MCTP1: variants seen among roughly 807,000 people sequenced by gnomAD.
MCTP1 encodes multiple C2 and transmembrane domain containing 1.
Under a neutral mutation model 120.6 loss-of-function variants are expected in MCTP1, and 69 were observed. The observed-to-expected ratio is 0.57, with a 90% CI of 0.47 to 0.70. MCTP1 has a LOEUF of 0.70. Among genes scored for constraint, MCTP1 ranks in the 30% least tolerant of loss-of-function variants. The pLI is 0.00. For missense variants in MCTP1, 1,203 were observed against 1,248.8 expected, an observed-to-expected ratio of 0.96 and a Z score of 0.55; for synonymous variants, 529 against 493.1, an observed-to-expected ratio of 1.07 and a Z score of -0.96.
chr5:94,927,989 A>C (rs1264582625), intron 6 of MCTP1, among the ~76,000 whole-genome samples: 2 of 152,178 alleles, frequency 1.3e-5, no homozygotes, highest in Non-Finnish European at 2.9e-5. Context: ...TATGATAATC[A>C]GACACCATCA....
chr5:95,055,843 T>C (rs1747249050), intron 1 of MCTP1, among the ~76,000 whole-genome samples: 1 of 152,110 alleles, frequency 6.6e-6, no homozygotes, highest in African/African-American at 2.4e-5. Flanking sequence ...AGAAGCAATG[T>C]GTGAAAAAAA....
chr5:95,030,714 A>T (rs1840124134), intron 1 of MCTP1, among the ~76,000 whole-genome samples: 1 of 152,376 alleles, frequency 6.6e-6, no homozygotes, highest in African/African-American at 2.4e-5. Flanking sequence ...AATAAGAAGC[A>T]GATGAGAAGG....
chr5:95,001,594 G>C (rs1833704638), intron 2 of MCTP1, among the ~76,000 whole-genome samples: 1 of 152,170 alleles, frequency 6.6e-6, no homozygotes, highest in African/African-American at 2.4e-5. Context: ...GGTGACTCTT[G>C]CTATGCTTTA....
chr5:94,912,466 A>AAAAAAAAAAAAAACAAAAG (rs1211529200), intron 9 of MCTP1, among the ~76,000 whole-genome samples: 1 of 92,038 alleles, frequency 1.1e-5, no homozygotes, highest in African/African-American at 3.7e-5. Flanking sequence ...AAAAAAAAAA[A>AAAAAAAAAAAAAACAAAAG]GCCGCACTCT....
chr5:95,107,601 G>A (rs1341556903), intron 1 of MCTP1, among the ~76,000 whole-genome samples: 1 of 152,162 alleles, frequency 6.6e-6, no homozygotes, highest in Non-Finnish European at 1.5e-5. Flanking sequence ...ATAAAGTTCT[G>A]CCTCAGCCTC....
chr5:94,961,803 A>G (rs947136963), intron 2 of MCTP1, among the ~76,000 whole-genome samples: 1 of 152,168 alleles, frequency 6.6e-6, no homozygotes, highest in Non-Finnish European at 1.5e-5. Context: ...TTTAGTCTAC[A>G]TTGAAGCTAC....
chr5:95,004,044 G>A (rs554407193), intron 2 of MCTP1, among the ~76,000 whole-genome samples: 1 of 152,318 alleles, frequency 6.6e-6, no homozygotes, highest in South Asian at 2.1e-4. Context: ...GGCTGAGGAG[G>A]TCTCAGATGA....
intron 1 of MCTP1, among the ~76,000 whole-genome samples, chr5:95,025,677 T>C (rs1839128579): frequency 6.6e-6 from 1 of 152,180 alleles, no homozygotes; most frequent in Non-Finnish European, 1.5e-5. Context: ...TTACCATACA[T>C]GGTGATGCCA....
intron 1 of MCTP1, among the ~76,000 whole-genome samples, chr5:95,176,958 G>C (rs1475214371): frequency 6.6e-6 from 1 of 151,648 alleles, no homozygotes; most frequent in Non-Finnish European, 1.5e-5. Context: ...TCAGCCTCCT[G>C]GGTTCACGCC....
rs1434993173 is a variant in MCTP1 at position 94,703,813 on chromosome 5, A to G, written c.*3683T>C. On this transcript the variant is annotated 3_prime_UTR_variant, in exon 23 of 23. Transcript: ENST00000515393. ...ATGGTGCTCTTAGTTTCTACATTGT[A>G]TGATTGCTTTGGACATTTGATAGTT... The G allele has an allele frequency of 1.3e-5, 2 of 151,304 alleles. No homozygotes were observed. The highest frequency in any genetic ancestry group is 3.9e-4 in the East Asian group (2 of 5,134). 9.4% of individuals were successfully genotyped at this position (151,304 alleles called of 1,614,324 possible).
chr5:94,758,709 C>T (rs1440719251), intron 19 of MCTP1, among the ~76,000 whole-genome samples: 1 of 152,048 alleles, frequency 6.6e-6, no homozygotes. Flanking sequence ...TTAGTATAAG[C>T]TCCAACCCCT....
chr5:94,785,775 T>G (rs922551956), intron 18 of MCTP1, among the ~76,000 whole-genome samples: 1 of 152,078 alleles, frequency 6.6e-6, no homozygotes, highest in African/African-American at 2.4e-5. Context: ...TAATAAAAGG[T>G]ACACATTATT....
intron 19 of MCTP1, among the ~76,000 whole-genome samples, chr5:94,763,297 G>T (rs768031297): frequency 2.6e-5 from 4 of 152,118 alleles, no homozygotes; most frequent in Non-Finnish European, 5.9e-5. Context: ...ATTACTTGAA[G>T]AATATAATTC....
intron 1 of MCTP1, among the ~76,000 whole-genome samples, chr5:95,190,418 C>T (rs1026963209): frequency 1.3e-5 from 2 of 152,038 alleles, no homozygotes; most frequent in Non-Finnish European, 2.9e-5. Flanking sequence ...AGAATAAATT[C>T]TTCACTATCA....
At chr5:94,932,672 T>G (rs1815098028) in intron 5 of MCTP1, among the ~76,000 whole-genome samples, 1 of 151,438 alleles carries the variant, frequency 6.6e-6, no homozygotes, top group Non-Finnish European at 1.5e-5. Context: ...CCCAACGAAT[T>G]TTTTTGTTTT....
intron 9 of MCTP1, among the ~76,000 whole-genome samples, chr5:94,910,600 C>T (rs967711972): frequency 4.6e-5 from 7 of 151,904 alleles, no homozygotes; most frequent in East Asian, 3.9e-4. Flanking sequence ...AATTAATCAG[C>T]GATAGATCAA....
chr5:94,942,623 T>C (rs966067464), intron 3 of MCTP1, among the ~76,000 whole-genome samples, 196 bp from the exon 4 acceptor site: 2 of 152,124 alleles, frequency 1.3e-5, no homozygotes, highest in African/African-American at 4.8e-5. Context: ...TTTTATTTTT[T>C]ACTTAATATT....
intron 17 of MCTP1, among the ~76,000 whole-genome samples, chr5:94,834,544 G>A (rs1011838298): frequency 6.6e-6 from 1 of 152,080 alleles, no homozygotes; most frequent in Non-Finnish European, 1.5e-5. Flanking sequence ...AGGATTTTTT[G>A]GTTATGAAAT....
chr5:94,827,182 A>C (rs1787332153), intron 17 of MCTP1, among the ~76,000 whole-genome samples: 1 of 152,168 alleles, frequency 6.6e-6, no homozygotes, highest in South Asian at 2.1e-4. Flanking sequence ...AAAATCCCTC[A>C]GCATTTGCTT....
Sources: gnomAD v4.1 joint callset for allele counts (sites outside exome capture counted in the v4.1 genomes callset) on GRCh38, gnomAD v4.1.1 for gene constraint, MANE v1.5 for transcripts, NCBI Gene and HGNC (gene_info 2026-07-23, HGNC 2026-07-21) for gene names.